VCL: variants seen among roughly 807,000 people sequenced by gnomAD.
The protein encoded by VCL is epididymis luminal protein 114.
Under a neutral mutation model 125.7 loss-of-function variants are expected in VCL, and 47 were observed. The observed-to-expected ratio is 0.37, with a 90% confidence interval of 0.30 to 0.48. The LOEUF (loss-of-function observed/expected upper bound fraction) is 0.48, where lower values mean the gene tolerates loss of function less well. Ranked by LOEUF, VCL falls within the 20% of genes least tolerant of loss-of-function variation. The probability of loss-of-function intolerance (pLI) is 0.99; values close to 1 mark genes in which losing one functional copy is unlikely to be tolerated. For synonymous variants in VCL, 458 were observed against 514.6 expected (o/e 0.89, Z 1.49); for missense variants, 1,069 against 1,455.5 (o/e 0.73, Z 4.32).
At chr10:74,099,429 T>G (rs1010400162) in intron 13 of VCL, among the ~76,000 whole-genome samples, 8 of 147,046 alleles carry the variant, frequency 5.4e-5, no homozygotes, top group African/African-American at 2.2e-4. Context: ...AGAGGTTAAG[T>G]GCTTTTTCTT....
intron 13 of VCL, among the ~76,000 whole-genome samples, chr10:74,099,156 C>G (rs1041773853): frequency 1.3e-5 from 2 of 152,188 alleles, no homozygotes; most frequent in Admixed American, 1.3e-4. Flanking sequence ...CTGACTCTGA[C>G]ATTCTCCTGC....
At chr10:74,054,014 A>G (rs1458703728) in intron 2 of VCL, among the ~76,000 whole-genome samples, 1 of 152,090 alleles carries the variant, frequency 6.6e-6, no homozygotes, top group Non-Finnish European at 1.5e-5. Context: ...GTACCCAAAG[A>G]CATGGTTGGT....
chr10:74,028,389 T>G (rs987711153), intron 1 of VCL, among the ~76,000 whole-genome samples: 1 of 146,152 alleles, frequency 6.8e-6, no homozygotes, highest in Non-Finnish European at 1.5e-5. Flanking sequence ...CAGCCTTAAG[T>G]AATCTTTTTT....
In VCL at chr10:74,032,699, CAAA is replaced by C. The variant is rs749212293; in HGVS notation, c.169-10375_169-10373del. Among the ~76,000 whole-genome samples, 735 of 138,264 alleles carry C rather than the reference CAAA, an allele frequency of 5.3e-3. 7 individuals carry two copies. Among genetic ancestry groups the C allele is most frequent in the African/African-American group, 0.019 (704 of 37,096 alleles). 90.7% of individuals were successfully genotyped at this position (138,264 alleles called of 152,430 possible). A position where few individuals can be genotyped will look rare whatever the true frequency, so the allele number is the denominator to read the frequency against. ...TGGGTAACAAAGTAAGTCTCGGTCT[CAAA>C]AAAAAAAATATATATATATATATAT... On this transcript the variant is annotated intron_variant, in intron 1 of 21. Transcript: ENST00000211998.
rs1207968792 is a variant in VCL, at chr10:74,105,128, T to C, written c.2209T>C (p.Cys737Arg). The C allele has an allele frequency of 1.2e-6, 2 of 1,614,190 alleles. No individual in the cohort carries two copies. The highest frequency in any genetic ancestry group is 8.5e-7 in the Non-Finnish European group (1 of 1,180,020). Residue 737 changes from cysteine to arginine, a missense_variant, in exon 16 of 22, where the codon TGC (cysteine) becomes CGC (arginine). Physicochemically the swap from Cys to Arg is radical, Grantham distance 180. This residue lies in a region of VCL where 760 missense variants were observed against 928.9 expected (regional missense o/e 0.82). Transcript: ENST00000211998. Reference sequence around the variant, plus strand: ...AGCAATTAAAAAAGACCTGGACAAGTGCAAGGTAGCTATGGCCAACATTCA... The same window carrying C: ...AGCAATTAAAAAAGACCTGGACAAGCGCAAGGTAGCTATGGCCAACATTCA... ...EEAIKKDLDK[C>R]KVAMANIQPQ...
chr10:74,103,927 AG>A lies in VCL; in HGVS notation c.2131+1del, dbSNP rs1420061188. The A allele has an allele frequency of 1.2e-6, 2 of 1,613,478 alleles. No homozygotes were observed. The highest frequency in any genetic ancestry group is 1.7e-5 in the Admixed American group (1 of 60,022). On this transcript the variant is annotated frameshift_variant and splice_region_variant, in exon 15 of 22. Coordinates refer to ENST00000211998, the MANE Select transcript of VCL (RefSeq NM_014000.3). LOFTEE classifies it high-confidence loss of function. ...QWIDNVEKMT[G>X]LVDEAIDTKS... is the part of the protein sequence containing the mutation. ...GGATCGATAATGTTGAAAAAATGAC[AG>A]GTAGAGTTTTCTATACAAATCTTGT...
downstream of VCL, chr10:74,121,308 T>G (rs1367956264): frequency 6.6e-6 from 1 of 152,218 alleles, no homozygotes; most frequent in East Asian, 1.9e-4. Context: ...GTAGCACCAC[T>G]TAAGGAATGA....
At chr10:74,085,399 C>T (rs1192905657) in intron 8 of VCL, among the ~76,000 whole-genome samples, 4 of 152,054 alleles carry the variant, frequency 2.6e-5, no homozygotes, top group Non-Finnish European at 5.9e-5. Flanking sequence ...TATTTCACCT[C>T]ATAAAAAAAT....
rs1840114530 is a variant in VCL at position 74,105,311 on chromosome 10, G to C, written c.2392G>C (p.Val798Leu). ...DELSKTISPM[V>L]MDAKAVAGNI... is the part of the protein sequence containing the mutation. ...ATTGAGCAAAACCATCTCCCCGATG[G>C]TGATGGATGCAAAAGCTGTGGCTGG... Residue 798 changes from valine to leucine, a missense_variant, in exon 16 of 22, where the codon GTG (valine) becomes CTG (leucine). Transcript: ENST00000211998. The C allele has an allele frequency of 6.2e-7, 1 of 1,612,786 alleles. No homozygotes were observed. The highest frequency in any genetic ancestry group is 8.5e-7 in the Non-Finnish European group (1 of 1,179,956).
In VCL at chr10:74,077,467, AC is replaced by A. The variant is rs545432340; in HGVS notation, c.783+2567del. ...GGTTATCAAAATAGAAAAAAATTTT[AC>A]CCTGAAAATAGAAATTGGTAGCTAG... On this transcript the variant is annotated intron_variant, in intron 6 of 21. Coordinates refer to ENST00000211998, the MANE Select transcript of VCL (RefSeq NM_014000.3). 4.9e-3 allele frequency: 874 copies of A among 179,332 alleles called. 1 individual carries two copies. The highest frequency in any genetic ancestry group is 8.1e-3 in the Admixed American group (132 of 16,360). The allele number at this position is 179,332 out of a possible 1,614,324, so 11.1% of individuals were successfully genotyped here. A position where few individuals can be genotyped will look rare whatever the true frequency, so the allele number is the denominator to read the frequency against.
At chr10:74,045,351 G>A (rs888759288) in intron 2 of VCL, among the ~76,000 whole-genome samples, 1 of 150,298 alleles carries the variant, frequency 6.7e-6, no homozygotes, top group African/African-American at 2.5e-5. Context: ...GGCCAGGTGT[G>A]GTGACTCACA....
At chr10:74,120,308 C>T (rs1840396496), downstream of VCL, 1 of 152,118 alleles carries the variant, frequency 6.6e-6, no homozygotes, top group South Asian at 2.1e-4. Flanking sequence ...AAGAAGAAAT[C>T]AACAGTGGTA....
intron 8 of VCL, 47 bp downstream of exon 8, chr10:74,083,560 C>G: frequency 6.2e-7 from 1 of 1,606,770 alleles, no homozygotes; most frequent in South Asian, 1.1e-5. Context: ...TAACTCACTC[C>G]TAACAGGGTG....
intron 13 of VCL, among the ~76,000 whole-genome samples, chr10:74,098,473 C>T (rs1403376035): frequency 6.6e-6 from 1 of 152,164 alleles, no homozygotes; most frequent in Non-Finnish European, 1.5e-5. Flanking sequence ...GCCTTATTCC[C>T]CCTTCTTGGA....
chr10:74,068,616 T>G (rs960622365), intron 2 of VCL, among the ~76,000 whole-genome samples: 1 of 152,174 alleles, frequency 6.6e-6, no homozygotes, highest in African/African-American at 2.4e-5. Context: ...TGAGCCACCA[T>G]GCGCGGCCCT....
chr10:74,095,356 C>T (rs529859934), intron 11 of VCL, among the ~76,000 whole-genome samples: 25 of 151,910 alleles, frequency 1.6e-4, no homozygotes, highest in East Asian at 7.8e-4. Context: ...TTTGGGAGGC[C>T]GAGGTGGGTG....
At position 74,094,419 on chromosome 10, in the gene VCL, C is replaced by G; in HGVS notation, c.1501C>G (p.Gln501Glu). 6.2e-7 allele frequency: 1 copy of G among 1,614,194 alleles called. No individual in the cohort carries two copies. Among genetic ancestry groups the G allele is most frequent in the Non-Finnish European group, 8.5e-7 (1 of 1,180,022 alleles). ...VHLEGKIEQA[Q>E]RWIDNPTVDD... is the part of the protein sequence containing the mutation. ...CCTTGAGGGCAAGATTGAGCAAGCA[C>G]AGCGGTGGATTGATAATCCCACAGT... The change falls in exon 11 of 22, where the codon CAG becomes GAG. Residue 501 changes from glutamine to glutamate, a missense_variant. Coordinates refer to ENST00000211998, the MANE Select transcript of VCL (RefSeq NM_014000.3).
At chr10:74,121,230 G>T (rs1241202482), downstream of VCL, 1 of 152,156 alleles carries the variant, frequency 6.6e-6, no homozygotes, top group Non-Finnish European at 1.5e-5. Flanking sequence ...CCTTCCTGCT[G>T]TAGTATAATC....
intron 1 of VCL, among the ~76,000 whole-genome samples, chr10:74,040,260 A>G (rs1841069198): frequency 6.6e-6 from 1 of 152,180 alleles, no homozygotes; most frequent in African/African-American, 2.4e-5. Flanking sequence ...AAGGCAGGAA[A>G]CTTTTTTTTA....
Sources: gnomAD v4.1 joint callset for allele counts (sites outside exome capture counted in the v4.1 genomes callset) on GRCh38, gnomAD v4.1.1 for gene constraint, gnomAD v4.1.1 regional missense constraint, MANE v1.5 for transcripts, NCBI Gene and HGNC (gene_info 2026-07-23, HGNC 2026-07-21) for gene names.